Variants in SVEP1 observed in about 807,000 individuals in gnomAD.
The protein encoded by SVEP1 is sushi, von Willebrand factor type A, EGF and pentraxin domain containing 1, also known as sushi, von Willebrand factor type A, EGF and pentraxin domain-containing protein 1.
Under a neutral mutation model 367.3 loss-of-function variants are expected in SVEP1, and 164 were observed. The observed-to-expected ratio is 0.45, with a 90% CI of 0.39 to 0.51. The LOEUF is 0.51. Ranked by LOEUF, SVEP1 falls within the 20% of genes least tolerant of loss-of-function variation. The probability of loss-of-function intolerance (pLI) is 0.00; values close to 1 mark genes in which losing one functional copy is unlikely to be tolerated. For missense variants in SVEP1, 4,117 were observed against 4,425.3 expected (o/e 0.93, Z 1.98); for synonymous variants, 1,666 against 1,611.6 (o/e 1.03, Z -0.81).
At chr9:110,429,094 C>T (rs746582338) in intron 35 of SVEP1, 49 bp downstream of exon 35, 23 of 1,376,878 alleles carry the variant, frequency 1.7e-5, no homozygotes, top group East Asian at 5.1e-5. Context: ...AAATAGGGAG[C>T]GAGTAACACA....
In SVEP1 at chr9:110,476,249, AT is replaced by A; in HGVS notation, c.2553del (p.Lys851AsnfsTer4). ...DCRLEENLTK[K>X]YCLEYNYDYE... is the part of the protein sequence containing the mutation. The stretch of plus-strand genomic sequence containing the variant: ...TAGTCATAATTATATTCTAGGCAAT[AT>A]TTTTTGGTCAGGTTCTCCTCCAGTC... On this transcript the variant is annotated frameshift_variant, in exon 14 of 48. Transcript: ENST00000374469. LOFTEE classifies it high-confidence loss of function. 1.2e-6 allele frequency: 2 copies of A among 1,613,690 alleles called. No homozygotes were observed. Among genetic ancestry groups the A allele is most frequent in the Admixed American group, 1.7e-5 (1 of 59,990 alleles).
intron 45 of SVEP1, among the ~76,000 whole-genome samples, chr9:110,376,177 A>T (rs1827347961): frequency 6.6e-6 from 1 of 152,188 alleles, no homozygotes; most frequent in Non-Finnish European, 1.5e-5. Flanking sequence ...TCAGGTACCA[A>T]CTCAGATCTG....
At chr9:110,454,781 GAAC>G (rs1253520737) in intron 22 of SVEP1, among the ~76,000 whole-genome samples, 1 of 152,084 alleles carries the variant, frequency 6.6e-6, no homozygotes, top group East Asian at 1.9e-4. Flanking sequence ...ATAAAAATAG[GAAC>G]AATAGATGCT....
intron 36 of SVEP1, among the ~76,000 whole-genome samples, chr9:110,426,314 T>G (rs1828252472): frequency 6.6e-6 from 1 of 152,220 alleles, no homozygotes; most frequent in Non-Finnish European, 1.5e-5. Flanking sequence ...AAAATCCAAC[T>G]TCCATGAAAA....
intron 8 of SVEP1, among the ~76,000 whole-genome samples, chr9:110,496,301 A>G (rs1047355797): frequency 1.3e-5 from 2 of 152,088 alleles, no homozygotes; most frequent in African/African-American, 4.8e-5. Context: ...AGGCAGACCC[A>G]CCCTCAGTCT....
chr9:110,377,235 G>C (rs201194759), intron 45 of SVEP1, 36 bp downstream of exon 45: 22 of 1,595,236 alleles, frequency 1.4e-5, no homozygotes, highest in Middle Eastern at 1.7e-4. Context: ...CAGGCAATTT[G>C]TCAGGACTCA....
At chr9:110,557,279 C>G (rs1199558359) in intron 1 of SVEP1, among the ~76,000 whole-genome samples, 1 of 152,142 alleles carries the variant, frequency 6.6e-6, no homozygotes, top group Admixed American at 6.5e-5. Flanking sequence ...TTCTCTACTT[C>G]TAATTGAGAT....
chr9:110,517,413 C>T (rs1829818811), intron 3 of SVEP1, among the ~76,000 whole-genome samples: 2 of 151,900 alleles, frequency 1.3e-5, no homozygotes, highest in Non-Finnish European at 2.9e-5. Context: ...CCCTGGCCAA[C>T]ATGGTGAAAC....
chr9:110,408,201 T>G lies in SVEP1; in HGVS notation c.7399A>C (p.Lys2467Gln), dbSNP rs775379426. The G allele has an allele frequency of 6.2e-7, 1 of 1,613,990 alleles. No homozygotes were observed. Among genetic ancestry groups the G allele is most frequent in the Non-Finnish European group, 8.5e-7 (1 of 1,179,890 alleles). ...TTTCCCACCAATTCAAAGCCTGGCT[T>G]GCAGGTATAGAGAGCTGTGCTGAGA... ...AYLSTALYTCKPGFELVGNTT... is the reference protein window; with the variant it reads ...AYLSTALYTCQPGFELVGNTT... Residue 2467 changes from lysine (K) to glutamine (Q), a missense_variant, in exon 38 of 48, where the codon AAG becomes CAG. By Grantham distance (53) the Lys-to-Gln change is moderately conservative. Coordinates refer to ENST00000374469, the MANE Select transcript of SVEP1 (RefSeq NM_153366.4).
At position 110,578,205 on chromosome 9, in the gene SVEP1, G is replaced by A. The variant is rs183005348; in HGVS notation, c.531+808C>T. The stretch of plus-strand genomic sequence containing the variant: ...CAATAAGTGATTGTTGCACGCAATG[G>A]AATAGTATGCAGCTAATGTAGAACA... On this transcript the variant is annotated intron_variant, in intron 1 of 47. Transcript: ENST00000374469. Among the ~76,000 whole-genome samples the A allele has an allele frequency of 2.5e-3, 380 of 152,282 alleles. 1 individual carries two copies. The highest frequency in any genetic ancestry group is 8.8e-3 in the African/African-American group (367 of 41,560).
chr9:110,408,776 A>T lies in SVEP1; in HGVS notation c.6824T>A (p.Met2275Lys). 1 of 1,613,502 alleles carries T rather than the reference A, an allele frequency of 6.2e-7. No homozygotes were observed. Among genetic ancestry groups the T allele is most frequent in the Non-Finnish European group, 8.5e-7 (1 of 1,179,864 alleles). ...CCCTACTTCAAAGTTTTCTCCTTTCATGAAGCCATTCTGGATCGGGGGAGG... is the reference window on the plus strand; with the variant it reads ...CCCTACTTCAAAGTTTTCTCCTTTCTTGAAGCCATTCTGGATCGGGGGAGG... The part of the protein sequence containing the change: ...GKPPPIQNGF[M>K]KGENFEVGSK... The change falls in exon 38 of 48, where the codon ATG becomes AAG. Residue 2275 changes from methionine to lysine, a missense_variant. Met to Lys is a moderately conservative substitution (Grantham distance 95). Around this residue, in one of 4 missense-constraint regions of SVEP1, gnomAD observed 1,765 missense variants for 1,781.1 expected, o/e 0.99. Transcript: ENST00000374469.
At chr9:110,487,624 T>C (rs1388594369) in intron 9 of SVEP1, among the ~76,000 whole-genome samples, 4 of 152,194 alleles carry the variant, frequency 2.6e-5, no homozygotes, top group Non-Finnish European at 5.9e-5. Context: ...TAAAACAAAA[T>C]GAATTTAACA....
intron 3 of SVEP1, among the ~76,000 whole-genome samples, chr9:110,540,761 A>T (rs10817036): frequency 0.12 from 19,025 of 152,206 alleles, 1,580 homozygotes; most frequent in East Asian, 0.35. Context: ...CCTCTAACAA[A>T]GACTGGTATT....
intron 17 of SVEP1, among the ~76,000 whole-genome samples, chr9:110,466,430 G>A (rs1246783788): frequency 1.3e-5 from 2 of 152,102 alleles, no homozygotes; most frequent in Non-Finnish European, 2.9e-5. Flanking sequence ...AACCTAGCTA[G>A]AGCCTTATAA....
At chr9:110,496,714 A>G (rs1829452084) in intron 8 of SVEP1, 101 bp downstream of exon 8, 2 of 793,198 alleles carry the variant, frequency 2.5e-6, no homozygotes, top group East Asian at 2.8e-5. Flanking sequence ...GAACCCTAAT[A>G]CAAGTATTAC....
intron 43 of SVEP1, among the ~76,000 whole-genome samples, chr9:110,380,878 G>T (rs183596712): frequency 6.6e-6 from 1 of 152,268 alleles, no homozygotes; most frequent in Non-Finnish European, 1.5e-5. Flanking sequence ...CTAGTTATTG[G>T]TCTATTCAGG....
chr9:110,397,637 T>C (rs1368592067), intron 40 of SVEP1, among the ~76,000 whole-genome samples: 2 of 152,170 alleles, frequency 1.3e-5, no homozygotes, highest in African/African-American at 4.8e-5. Context: ...ATAAGCAACT[T>C]CAGCAAAGTC....
intron 35 of SVEP1, among the ~76,000 whole-genome samples, chr9:110,428,553 A>T (rs1828297398): frequency 6.6e-6 from 1 of 152,178 alleles, no homozygotes; most frequent in African/African-American, 2.4e-5. Flanking sequence ...AAAAGCATTT[A>T]TCGGGTATTC....
chr9:110,388,412 T>C (rs1827559077), intron 41 of SVEP1, among the ~76,000 whole-genome samples: 1 of 152,168 alleles, frequency 6.6e-6, no homozygotes, highest in African/African-American at 2.4e-5. Flanking sequence ...GGTTCTAGAC[T>C]AGTGCTTCTC....
Sources: gnomAD v4.1 joint callset for allele counts (sites outside exome capture counted in the v4.1 genomes callset) on GRCh38, gnomAD v4.1.1 for gene constraint, gnomAD v4.1.1 regional missense constraint, MANE v1.5 for transcripts, NCBI Gene and HGNC (gene_info 2026-07-23, HGNC 2026-07-21) for gene names.